KIAA1217: variants seen among roughly 807,000 people sequenced by gnomAD.
KIAA1217 encodes sickle tail protein homolog.
A neutral mutation model predicts 163.9 loss-of-function variants in KIAA1217; 88 were observed. The observed-to-expected ratio is 0.54, with a 90% CI of 0.45 to 0.64. The LOEUF (loss-of-function observed/expected upper bound fraction) is 0.64, where lower values mean the gene tolerates loss of function less well. Ranked by LOEUF, KIAA1217 falls within the 30% of genes least tolerant of loss-of-function variation. The pLI, the probability that KIAA1217 is intolerant of heterozygous loss-of-function variation, is 0.00. For missense variants in KIAA1217, 2,372 were observed against 2,475.0 expected (o/e 0.96, Z 0.88); for synonymous variants, 903 against 923.1 (o/e 0.98, Z 0.39).
intron 1 of KIAA1217, among the ~76,000 whole-genome samples, chr10:23,979,518 T>C (rs901219515): frequency 2.0e-5 from 3 of 152,244 alleles, no homozygotes; most frequent in African/African-American, 7.2e-5. Context: ...GTCATTCTTT[T>C]TTTTCTGACT....
chr10:23,866,109 AAT>A (rs1213686747), intron 1 of KIAA1217, among the ~76,000 whole-genome samples: 2 of 152,162 alleles, frequency 1.3e-5, no homozygotes, highest in Admixed American at 6.6e-5. Flanking sequence ...CACTTCCAAA[AAT>A]AAAATAAATA....
rs775755366 is a variant in KIAA1217, at chr10:24,543,450, G to A, written c.4180G>A (p.Val1394Ile). The change falls in exon 19 of 21, where the codon GTT becomes ATT. Residue 1394 changes from valine (V) to isoleucine (I), a missense_variant. Physicochemically the swap from Val to Ile is conservative, Grantham distance 29. Transcript: ENST00000376454. ...AFMITETTVQ[V>I]LSSGEVHDIV... ...CATGATTACCGAAACCACTGTCCAG[G>A]TTCTTTCCAGTGGGGAGGTGCATGA... is the stretch of plus-strand genomic sequence containing the variant. 1 of 1,614,000 alleles carries A rather than the reference G, an allele frequency of 6.2e-7. No individual in the cohort carries two copies. The highest frequency in any genetic ancestry group is 1.3e-5 in the African/African-American group (1 of 74,888).
intron 1 of KIAA1217, among the ~76,000 whole-genome samples, chr10:23,790,501 G>GCATATATACATATGTATATATA (rs1315048926): frequency 1.2e-5 from 1 of 85,216 alleles, no homozygotes; most frequent in African/African-American, 8.3e-5. Flanking sequence ...ATATACATGT[G>GCATATATACATATGTATATATA]CATATATACA....
At chr10:24,402,868 T>A (rs1018146479) in intron 3 of KIAA1217, among the ~76,000 whole-genome samples, 3 of 152,036 alleles carry the variant, frequency 2.0e-5, no homozygotes, top group African/African-American at 7.2e-5. Context: ...CGATGGCTCA[T>A]GCCTGTAATC....
At chr10:23,793,152 T>C (rs143635705) in intron 1 of KIAA1217, among the ~76,000 whole-genome samples, 1 of 152,212 alleles carries the variant, frequency 6.6e-6, no homozygotes, top group East Asian at 1.9e-4. Context: ...TGATTAGGAA[T>C]GTGCGCGCTT....
chr10:24,195,099 T>A (rs1437689605), intron 2 of KIAA1217, among the ~76,000 whole-genome samples: 1 of 152,072 alleles, frequency 6.6e-6, no homozygotes, highest in Admixed American at 6.6e-5. Context: ...GGCAGATTCC[T>A]CCAGGCAACC....
chr10:24,347,465 C>T (rs2047931808), intron 2 of KIAA1217, among the ~76,000 whole-genome samples: 1 of 152,144 alleles, frequency 6.6e-6, no homozygotes, highest in Non-Finnish European at 1.5e-5. Context: ...AAAAGAAAAA[C>T]TTTGTCATTT....
rs1248556679 is a variant in KIAA1217 at position 24,433,188 on chromosome 10, T to C, written c.747T>C (p.Asp249=). Residue 249 remains aspartate (D), a synonymous_variant, in exon 4 of 21, where the codon GAT becomes GAC. Coordinates refer to ENST00000376454, the MANE Select transcript of KIAA1217 (RefSeq NM_019590.5). ...ESRNVYYELN[D]VRNIQDRSLL... is the part of the protein sequence containing the mutation. ...GAAATGTCTATTATGAATTAAATGA[T>C]GTAAGGTAAGTTGTGACATCATTTT... 2 of 1,611,660 alleles carry C rather than the reference T, an allele frequency of 1.2e-6. No homozygotes were observed. The highest frequency in any genetic ancestry group is 2.2e-5 in the South Asian group (2 of 91,048).
chr10:24,008,392 CA>C (rs1393800919), intron 2 of KIAA1217, among the ~76,000 whole-genome samples: 1 of 152,088 alleles, frequency 6.6e-6, no homozygotes, highest in Non-Finnish European at 1.5e-5. Context: ...AGCTCTGACA[CA>C]GGAAGTTCGC....
intron 1 of KIAA1217, among the ~76,000 whole-genome samples, chr10:23,956,574 C>T (rs1375669654): frequency 1.3e-5 from 2 of 152,044 alleles, no homozygotes; most frequent in African/African-American, 2.4e-5. Context: ...TCCCTGTATT[C>T]GTCTGTTTTT....
chr10:24,544,095 G>A lies in KIAA1217; in HGVS notation c.4825G>A (p.Glu1609Lys), dbSNP rs2075422210. The stretch of plus-strand genomic sequence containing the variant: ...GCAAGTGGTAGTCTATGAAGAAGAG[G>A]AAGAGGATGGCACCCTGAAACAGCA... ...TLQVVVYEEE[E>K]EDGTLKQHKE... is the part of the protein sequence containing the mutation. Residue 1609 changes from glutamate (E) to lysine (K), a missense_variant, in exon 19 of 21, where the codon GAA becomes AAA. Physicochemically the swap from Glu to Lys is moderately conservative, Grantham distance 56. This residue lies in a region of KIAA1217 where 690 missense variants were observed against 677.5 expected (regional missense o/e 1.02). Transcript: ENST00000376454. 2 of 1,614,016 alleles carry A rather than the reference G, an allele frequency of 1.2e-6. No individual in the cohort carries two copies. Among genetic ancestry groups the A allele is most frequent in the South Asian group, 2.2e-5 (2 of 91,070 alleles).
chr10:24,161,771 T>G (rs926807677), intron 2 of KIAA1217, among the ~76,000 whole-genome samples: 8 of 152,156 alleles, frequency 5.3e-5, no homozygotes, highest in African/African-American at 1.9e-4. Context: ...TGTTAAAGCT[T>G]TGATTGTCCG....
At chr10:23,900,298 AC>A (rs1841902394) in intron 1 of KIAA1217, among the ~76,000 whole-genome samples, 1 of 151,794 alleles carries the variant, frequency 6.6e-6, no homozygotes, top group Non-Finnish European at 1.5e-5. Flanking sequence ...GAGCCACCAC[AC>A]CCAGCCCCTT....
chr10:24,257,537 A>G (rs556383175), intron 2 of KIAA1217, among the ~76,000 whole-genome samples: 1 of 152,200 alleles, frequency 6.6e-6, no homozygotes, highest in South Asian at 2.1e-4. Context: ...TTGCATTACC[A>G]CCTAGTGAAG....
intron 2 of KIAA1217, among the ~76,000 whole-genome samples, chr10:24,096,806 GTTT>G (rs2062181239): frequency 3.9e-5 from 6 of 152,106 alleles, no homozygotes; most frequent in African/African-American, 1.4e-4. Flanking sequence ...TGCTTTCATA[GTTT>G]CTCTTTCTGA....
chr10:23,920,106 A>T (rs574671917), intron 1 of KIAA1217, among the ~76,000 whole-genome samples: 1 of 152,294 alleles, frequency 6.6e-6, no homozygotes, highest in East Asian at 1.9e-4. Context: ...CAAGGACAAA[A>T]TGTCCTCAGC....
At chr10:23,952,815 A>G (rs926600919) in intron 1 of KIAA1217, among the ~76,000 whole-genome samples, 2 of 152,230 alleles carry the variant, frequency 1.3e-5, no homozygotes, top group Non-Finnish European at 2.9e-5. Flanking sequence ...CCATGGATTG[A>G]GATACAAGTG....
At chr10:24,118,803 G>T (rs1317543722) in intron 2 of KIAA1217, among the ~76,000 whole-genome samples, 1 of 150,620 alleles carries the variant, frequency 6.6e-6, no homozygotes, top group East Asian at 2.0e-4. Flanking sequence ...TCAAAGATTT[G>T]TCCTGTTGAG....
chr10:24,521,953 G>T, intron 12 of KIAA1217, 24 bp downstream of exon 12: 2 of 1,596,182 alleles, frequency 1.3e-6, no homozygotes, highest in Non-Finnish European at 1.7e-6. Flanking sequence ...CATCGTGCTG[G>T]GGGTGGCCTG....
Sources: gnomAD v4.1 joint callset for allele counts (sites outside exome capture counted in the v4.1 genomes callset) on GRCh38, gnomAD v4.1.1 for gene constraint, gnomAD v4.1.1 regional missense constraint, MANE v1.5 for transcripts, NCBI Gene and HGNC (gene_info 2026-07-23, HGNC 2026-07-21) for gene names.